THSD7B: variants seen among roughly 807,000 people sequenced by gnomAD.
The protein encoded by THSD7B is thrombospondin type 1 domain containing 7B.
Under a neutral mutation model 213.6 loss-of-function variants are expected in THSD7B, and 138 were observed. That is an observed-to-expected ratio of 0.65 (90% CI 0.56 to 0.74). The LOEUF (loss-of-function observed/expected upper bound fraction) is 0.74, where lower values mean the gene tolerates loss of function less well. THSD7B is among the 30% of genes least tolerant of loss of function. The pLI is 0.00. For synonymous variants in THSD7B, 742 were observed against 687.0 expected (o/e 1.08, Z -1.25); for missense variants, 1,931 against 1,991.5 (o/e 0.97, Z 0.58).
intron 2 of THSD7B, among the ~76,000 whole-genome samples, chr2:136,956,587 G>C (rs1438537136): frequency 7.0e-6 from 1 of 142,716 alleles, no homozygotes; most frequent in East Asian, 2.0e-4. Flanking sequence ...GGGTGACAAA[G>C]TGAGACCCTG....
intron 15 of THSD7B, among the ~76,000 whole-genome samples, chr2:137,495,801 T>C (rs1390443019): frequency 6.6e-6 from 1 of 152,164 alleles, no homozygotes; most frequent in Non-Finnish European, 1.5e-5. Context: ...CTTTGATATT[T>C]GTAGTGGGAC....
intron 1 of THSD7B, among the ~76,000 whole-genome samples, chr2:136,830,205 GAAA>G (rs1682727725): frequency 6.6e-6 from 1 of 152,098 alleles, no homozygotes; most frequent in African/African-American, 2.4e-5. Flanking sequence ...TATGGTACCT[GAAA>G]AATCAGAGTC....
intron 1 of THSD7B, among the ~76,000 whole-genome samples, chr2:136,787,318 T>G (rs1681878929): frequency 6.6e-6 from 1 of 152,158 alleles, no homozygotes; most frequent in Non-Finnish European, 1.5e-5. Flanking sequence ...TACCCAAGTT[T>G]TATGAGCTCT....
intron 3 of THSD7B, among the ~76,000 whole-genome samples, chr2:137,062,555 T>A (rs1037588117): frequency 6.6e-6 from 1 of 151,832 alleles, no homozygotes; most frequent in African/African-American, 2.4e-5. Flanking sequence ...GCATTTCTCT[T>A]GAGATTTTCT....
chr2:137,568,361 A>G (rs892679552), intron 16 of THSD7B, among the ~76,000 whole-genome samples: 6 of 152,170 alleles, frequency 3.9e-5, no homozygotes, highest in African/African-American at 1.4e-4. Context: ...CTGCATTTCC[A>G]TTCAGGAACA....
intron 3 of THSD7B, among the ~76,000 whole-genome samples, chr2:137,078,441 T>A (rs562036451): frequency 2.6e-5 from 4 of 152,320 alleles, no homozygotes; most frequent in African/African-American, 9.6e-5. Context: ...TAGATGCATA[T>A]CCTTTATTAA....
At chr2:137,636,641 AT>A (rs1033933531) in intron 20 of THSD7B, among the ~76,000 whole-genome samples, 2 of 151,982 alleles carry the variant, frequency 1.3e-5, no homozygotes, top group African/African-American at 2.4e-5. Flanking sequence ...TTTAAGTGGC[AT>A]TTTTTTTCTA....
chr2:136,876,469 C>A (rs1183912823), intron 1 of THSD7B, among the ~76,000 whole-genome samples: 1 of 152,110 alleles, frequency 6.6e-6, no homozygotes, highest in Non-Finnish European at 1.5e-5. Flanking sequence ...ATTAACCACC[C>A]ATTTGTGTGG....
chr2:137,212,773 A>G (rs768053821), intron 7 of THSD7B, among the ~76,000 whole-genome samples: 13 of 152,078 alleles, frequency 8.5e-5, no homozygotes, highest in Non-Finnish European at 1.6e-4. Flanking sequence ...GAGGCTCTTT[A>G]ATATGTGAAA....
At chr2:136,769,278 T>C (rs1226210341) in intron 1 of THSD7B, among the ~76,000 whole-genome samples, 1 of 152,222 alleles carries the variant, frequency 6.6e-6, no homozygotes. Flanking sequence ...GCTTTCATTC[T>C]AAGCCATGAA....
At chr2:137,404,466 T>C (rs867277486) in intron 12 of THSD7B, among the ~76,000 whole-genome samples, 4,742 of 72,510 alleles carry the variant, frequency 0.065, 140 homozygotes, top group South Asian at 0.11. Flanking sequence ...TATATATATA[T>C]ATATATATAC....
intron 7 of THSD7B, among the ~76,000 whole-genome samples, chr2:137,192,334 T>C (rs914880280): frequency 1.3e-5 from 2 of 152,088 alleles, no homozygotes; most frequent in African/African-American, 4.8e-5. Flanking sequence ...AAGGTGCACA[T>C]AGAAAGGGTA....
At chr2:137,488,421 G>C (rs1201711998) in intron 15 of THSD7B, among the ~76,000 whole-genome samples, 2 of 151,992 alleles carry the variant, frequency 1.3e-5, no homozygotes, top group Non-Finnish European at 2.9e-5. Context: ...TCTTTTATGA[G>C]AAAAGGCACT....
intron 15 of THSD7B, among the ~76,000 whole-genome samples, chr2:137,503,364 C>T (rs1048463989): frequency 6.6e-6 from 1 of 152,146 alleles, no homozygotes; most frequent in Non-Finnish European, 1.5e-5. Context: ...GCCACTGTTG[C>T]CCTAGACCCT....
chr2:137,350,101 A>T (rs1008406284), intron 12 of THSD7B, among the ~76,000 whole-genome samples: 1 of 151,818 alleles, frequency 6.6e-6, no homozygotes, highest in African/African-American at 2.4e-5. Context: ...TGTATTAGGG[A>T]TGGAATACAG....
At position 137,268,108 on chromosome 2, in the gene THSD7B, A is replaced by G. The variant is rs180970604; in HGVS notation, c.2267-4425A>G. On this transcript the variant is annotated intron_variant, in intron 10 of 27. Transcript: ENST00000409968. ...GTTCAAAATGAGGTGAAATTTTTACAGGAAAGGGATATGGATCCAGAATCT... is the reference window on the plus strand; with the variant it reads ...GTTCAAAATGAGGTGAAATTTTTACGGGAAAGGGATATGGATCCAGAATCT... 1.6e-4 allele frequency among the ~76,000 whole-genome samples: 24 copies of G among 152,304 alleles called. No homozygotes were observed. The East Asian group carries it at 4.4e-3, about 28-fold the overall frequency.
chr2:137,406,530 T>A (rs773662442), intron 13 of THSD7B, among the ~76,000 whole-genome samples: 1 of 152,224 alleles, frequency 6.6e-6, no homozygotes, highest in Non-Finnish European at 1.5e-5. Flanking sequence ...GCCAGAGTAA[T>A]CACTGAGATA....
chr2:137,158,868 A>G (rs930025236), intron 5 of THSD7B, among the ~76,000 whole-genome samples: 2 of 152,222 alleles, frequency 1.3e-5, no homozygotes, highest in South Asian at 2.1e-4. Context: ...TAGAAATGAC[A>G]TATCAGAAAT....
At chr2:137,148,070 A>G (rs1450898313) in intron 5 of THSD7B, among the ~76,000 whole-genome samples, 15 of 152,100 alleles carry the variant, frequency 9.9e-5, no homozygotes. Context: ...CCCAAGTGTC[A>G]TGGGAAGGAC....
Sources: allele counts gnomAD v4.1 joint callset (sites outside exome capture counted in the v4.1 genomes callset), GRCh38; gene constraint gnomAD v4.1.1; transcripts MANE v1.5; gene names NCBI Gene and HGNC (gene_info 2026-07-23, HGNC 2026-07-21).